ZNF385D: variants seen among roughly 807,000 people sequenced by gnomAD.
ZNF385D encodes zinc finger protein 659.
ZNF385D carries 15 observed loss-of-function variants against 35.8 expected under a neutral mutation model. That is an observed-to-expected ratio of 0.42 (90% confidence interval 0.28 to 0.64). The LOEUF is 0.64. Ranked by LOEUF, ZNF385D falls within the 30% of genes least tolerant of loss-of-function variation. The probability of loss-of-function intolerance (pLI) is 0.23; values close to 1 mark genes in which losing one functional copy is unlikely to be tolerated. For synonymous variants in ZNF385D, 212 were observed against 186.8 expected (o/e 1.13, Z -1.10); for missense variants, 474 against 494.6 (o/e 0.96, Z 0.39).
chr3:22,111,958 A>C (rs949506884), intron 3 of ZNF385D, among the ~76,000 whole-genome samples: 2 of 152,118 alleles, frequency 1.3e-5, no homozygotes, highest in Middle Eastern at 3.2e-3. Context: ...AAATGCAGCC[A>C]AGTCGTTAAA....
At chr3:21,940,247 A>T (rs1415310801) in intron 3 of ZNF385D, among the ~76,000 whole-genome samples, 2 of 152,072 alleles carry the variant, frequency 1.3e-5, no homozygotes, top group African/African-American at 4.8e-5. Context: ...AGGTAATGTG[A>T]TGTAGCAAAA....
At chr3:21,760,619 T>C (rs1170411154) in intron 3 of ZNF385D, among the ~76,000 whole-genome samples, 1 of 152,220 alleles carries the variant, frequency 6.6e-6, no homozygotes, top group African/African-American at 2.4e-5. Context: ...AGATTAGGTA[T>C]TTGAAATAAA....
At chr3:21,679,839 A>C (rs532147253) in intron 1 of ZNF385D, among the ~76,000 whole-genome samples, 11 of 152,126 alleles carry the variant, frequency 7.2e-5, no homozygotes, top group African/African-American at 2.7e-4. Flanking sequence ...CACTAAAAAT[A>C]CCCCCAAGTC....
At chr3:21,529,087 C>T (rs571355070) in intron 3 of ZNF385D, among the ~76,000 whole-genome samples, 114 of 152,162 alleles carry the variant, frequency 7.5e-4, no homozygotes, top group Non-Finnish European at 1.4e-3. Context: ...TGTGGATAAA[C>T]CCAAATCACT....
At chr3:22,256,230 CACAT>C (rs1203186232) in intron 2 of ZNF385D, among the ~76,000 whole-genome samples, 1 of 107,246 alleles carries the variant, frequency 9.3e-6, no homozygotes, top group Non-Finnish European at 1.7e-5. Context: ...CACACATATA[CACAT>C]ACATATATAT....
chr3:21,746,804 C>G (rs934734784), intron 1 of ZNF385D, among the ~76,000 whole-genome samples: 2 of 152,194 alleles, frequency 1.3e-5, no homozygotes, highest in African/African-American at 4.8e-5. Context: ...TTTTTCTCTG[C>G]TGCCTGCTGC....
chr3:22,083,413 G>A (rs1483857642), intron 3 of ZNF385D, among the ~76,000 whole-genome samples: 1 of 152,176 alleles, frequency 6.6e-6, no homozygotes, highest in Non-Finnish European at 1.5e-5. Flanking sequence ...TGAAAACCAT[G>A]GCACAAGAAC....
At chr3:21,905,126 C>G (rs1699607746) in intron 3 of ZNF385D, among the ~76,000 whole-genome samples, 1 of 134,258 alleles carries the variant, frequency 7.4e-6, no homozygotes, top group South Asian at 2.4e-4. Context: ...ATTATAGAAT[C>G]TTGGATATTT....
At chr3:22,105,108 C>G (rs1164579332) in intron 3 of ZNF385D, among the ~76,000 whole-genome samples, 1 of 152,048 alleles carries the variant, frequency 6.6e-6, no homozygotes, top group Non-Finnish European at 1.5e-5. Flanking sequence ...TAAGTATTCA[C>G]TTTTACAGTC....
chr3:21,928,257 A>AGAAG (rs139093887), intron 3 of ZNF385D, among the ~76,000 whole-genome samples: 19 of 140,498 alleles, frequency 1.4e-4, no homozygotes, highest in South Asian at 2.5e-4. Context: ...AAAGGAAGGA[A>AGAAG]GAAGGAAGGA....
rs573623182 is a variant in ZNF385D at position 21,979,216 on chromosome 3, A to T, written c.325+189601T>A. ...AGGAGGATATGGGGGACCATGGGGT[A>T]TTTTGTTATTGCCCTGTATAACTGC... On this transcript the variant is annotated intron_variant, in intron 3 of 5. Coordinates refer to the ZNF385D transcript ENST00000494108. Among the ~76,000 whole-genome samples, 374 of 152,254 alleles carry T rather than the reference A, an allele frequency of 2.5e-3. 1 individual carries two copies. The highest frequency in any genetic ancestry group is 8.6e-3 in the African/African-American group (356 of 41,556).
intron 3 of ZNF385D, among the ~76,000 whole-genome samples, chr3:21,774,207 G>C (rs2071195250): frequency 6.6e-6 from 1 of 151,844 alleles, no homozygotes; most frequent in South Asian, 2.1e-4. Context: ...TTATAAGTGG[G>C]AGCTGAATGA....
At chr3:22,316,640 AT>A (rs1328895216) in intron 2 of ZNF385D, among the ~76,000 whole-genome samples, 1 of 152,192 alleles carries the variant, frequency 6.6e-6, no homozygotes. Flanking sequence ...TGAGCAACTT[AT>A]TCAGATTCCC....
intron 2 of ZNF385D, among the ~76,000 whole-genome samples, chr3:22,275,779 G>T (rs1701395701): frequency 6.6e-6 from 1 of 152,096 alleles, no homozygotes; most frequent in Non-Finnish European, 1.5e-5. Flanking sequence ...GCATATGCAT[G>T]TTCTTTAAAG....
intron 2 of ZNF385D, among the ~76,000 whole-genome samples, chr3:21,637,346 G>A (rs1359504947): frequency 6.6e-6 from 1 of 151,988 alleles, no homozygotes; most frequent in Non-Finnish European, 1.5e-5. Context: ...AGCACCATTT[G>A]TTGAAAAGGG....
chr3:22,047,888 A>G (rs1441313723), intron 3 of ZNF385D, among the ~76,000 whole-genome samples: 1 of 152,150 alleles, frequency 6.6e-6, no homozygotes, highest in Non-Finnish European at 1.5e-5. Context: ...TTCCCTTTTA[A>G]CACTTCACAT....
At chr3:21,856,957 T>A (rs1351455287) in intron 3 of ZNF385D, among the ~76,000 whole-genome samples, 1 of 151,942 alleles carries the variant, frequency 6.6e-6, no homozygotes, top group Non-Finnish European at 1.5e-5. Context: ...TAAGTGGAGG[T>A]AAGGTAAATA....
At chr3:21,806,507 T>A (rs938744879) in intron 3 of ZNF385D, among the ~76,000 whole-genome samples, 5 of 151,994 alleles carry the variant, frequency 3.3e-5, no homozygotes, top group South Asian at 4.2e-4. Context: ...GCCTGGCCAA[T>A]AGAGCTCGTT....
At chr3:22,228,038 G>C (rs1217151491) in intron 2 of ZNF385D, among the ~76,000 whole-genome samples, 1 of 152,134 alleles carries the variant, frequency 6.6e-6, no homozygotes, top group African/African-American at 2.4e-5. Context: ...TTGCCTGTCT[G>C]CATCATCCCA....
Sources: gnomAD v4.1 joint callset for allele counts (sites outside exome capture counted in the v4.1 genomes callset) on GRCh38, gnomAD v4.1.1 for gene constraint, MANE v1.5 for transcripts, NCBI Gene and HGNC (gene_info 2026-07-23, HGNC 2026-07-21) for gene names.